YEATS2: variants seen among roughly 807,000 people sequenced by gnomAD.
YEATS2 encodes the protein YEATS domain containing 2.
Under a neutral mutation model 163.2 loss-of-function variants are expected in YEATS2, and 77 were observed. The ratio of observed to expected loss-of-function variants is 0.47; its 90% confidence interval spans 0.39 to 0.57. YEATS2 has a LOEUF of 0.57. Ranked by LOEUF, YEATS2 falls within the 20% of genes least tolerant of loss-of-function variation. The probability of loss-of-function intolerance (pLI) is 0.00; values close to 1 mark genes in which losing one functional copy is unlikely to be tolerated. For missense variants in YEATS2, 1,549 were observed against 1,729.8 expected (o/e 0.90, Z 1.85); for synonymous variants, 631 against 645.1 (o/e 0.98, Z 0.33).
At chr3:183,727,163 T>TA (rs1717200365) in intron 6 of YEATS2, among the ~76,000 whole-genome samples, 1 of 151,980 alleles carries the variant, frequency 6.6e-6, no homozygotes, top group Non-Finnish European at 1.5e-5. Flanking sequence ...AATACATTGA[T>TA]ATACGTATGA....
chr3:183,808,569 T>A (rs1235382094), intron 29 of YEATS2, among the ~76,000 whole-genome samples: 6 of 152,190 alleles, frequency 3.9e-5, no homozygotes, highest in African/African-American at 1.4e-4. Context: ...AAATACAATG[T>A]CTAGGGCTGG....
chr3:183,795,042 C>T (rs1725006496), intron 21 of YEATS2, among the ~76,000 whole-genome samples: 1 of 151,318 alleles, frequency 6.6e-6, no homozygotes, highest in Non-Finnish European at 1.5e-5. Context: ...GGTAGTTGTG[C>T]CTGTAGTCCC....
At position 183,810,864 on chromosome 3, in the gene YEATS2, G is replaced by T. The variant is rs1467709578; in HGVS notation, c.*281G>T. On this transcript the variant is annotated 3_prime_UTR_variant, in exon 31 of 31. Transcript: ENST00000305135. The stretch of plus-strand genomic sequence containing the variant: ...GTCTTTGTAAAGGCCCCACGAGAGC[G>T]GGCCAGGCCGTGTGCCTCAGGCCCT... The T allele has an allele frequency of 5.1e-6, 2 of 390,124 alleles. No homozygotes were observed. Among genetic ancestry groups the T allele is most frequent in the African/African-American group, 4.1e-5 (2 of 48,666 alleles). 24.2% of individuals were successfully genotyped at this position (390,124 alleles called of 1,614,324 possible). A position where few individuals can be genotyped will look rare whatever the true frequency, so the allele number is the denominator to read the frequency against.
intron 28 of YEATS2, chr3:183,807,298 GC>G (rs1428391880): frequency 1.8e-5 from 10 of 558,174 alleles, no homozygotes; most frequent in Non-Finnish European, 3.2e-5. Flanking sequence ...CCACATCAGA[GC>G]CCTTGGGCAG....
At chr3:183,701,073 A>G (rs138249928) in intron 1 of YEATS2, among the ~76,000 whole-genome samples, 1,895 of 126,124 alleles carry the variant, frequency 0.015, 24 homozygotes, top group African/African-American at 0.04. Flanking sequence ...GTGTGTGTGT[A>G]TATATATATA....
At chr3:183,755,669 A>G (rs1577120053) in intron 11 of YEATS2, among the ~76,000 whole-genome samples, 1 of 136,010 alleles carries the variant, frequency 7.4e-6, no homozygotes, top group African/African-American at 2.8e-5. Flanking sequence ...TGAATTTCAT[A>G]TTTTCCTATT....
chr3:183,799,802 C>G (rs1725486480), intron 23 of YEATS2, among the ~76,000 whole-genome samples: 1 of 147,042 alleles, frequency 6.8e-6, no homozygotes, highest in Non-Finnish European at 1.5e-5. Context: ...CAGCATTGTA[C>G]TTTAGAGTAG....
At chr3:183,741,352 A>G (rs1291346136) in intron 8 of YEATS2, among the ~76,000 whole-genome samples, 1 of 152,198 alleles carries the variant, frequency 6.6e-6, no homozygotes, top group East Asian at 1.9e-4. Flanking sequence ...GGAACAAAAA[A>G]GCCTGGGTGA....
chr3:183,760,185 G>A (rs2109339099), intron 13 of YEATS2, among the ~76,000 whole-genome samples: 1 of 152,166 alleles, frequency 6.6e-6, no homozygotes, highest in East Asian at 1.9e-4. Flanking sequence ...AACTCTGCTG[G>A]TTTAATTTTT....
chr3:183,728,946 T>G, intron 7 of YEATS2, 95 bp downstream of exon 7: 1 of 1,337,664 alleles, frequency 7.5e-7, no homozygotes, highest in African/African-American at 1.5e-5. Context: ...TTCCTGGAAA[T>G]GCAGTAGTAA....
At chr3:183,785,270 G>A (rs911198430) in intron 19 of YEATS2, among the ~76,000 whole-genome samples, 2 of 151,806 alleles carry the variant, frequency 1.3e-5, no homozygotes, top group East Asian at 1.9e-4. Context: ...GGCAGATCAC[G>A]AGGTCACGAG....
chr3:183,770,783 T>C (rs754453828), intron 15 of YEATS2, among the ~76,000 whole-genome samples: 26 of 152,218 alleles, frequency 1.7e-4, no homozygotes, highest in Non-Finnish European at 5.9e-5. Context: ...CAACTCCCTT[T>C]TCGCTTTCTT....
At position 183,773,765 on chromosome 3, in the gene YEATS2, G is replaced by A. The variant is rs1441751424; in HGVS notation, c.2339G>A (p.Gly780Glu). 1 of 1,610,302 alleles carries A rather than the reference G, an allele frequency of 6.2e-7. No individual in the cohort carries two copies. The highest frequency in any genetic ancestry group is 2.2e-5 in the East Asian group (1 of 44,770). Residue 780 changes from glycine to glutamate, a missense_variant, in exon 17 of 31, where the codon GGA (glycine) becomes GAA (glutamate). Coordinates refer to ENST00000305135, the MANE Select transcript of YEATS2 (RefSeq NM_018023.5). The stretch of plus-strand genomic sequence containing the variant: ...GGAAAACTGCTGCTGATCCCTCAAG[G>A]AGCCATCCTGCGAGCTACGAACAAT... ...GKGKLLLIPQ[G>E]AILRATNNAN...
At chr3:183,715,416 C>T (rs1431733336) in intron 2 of YEATS2, among the ~76,000 whole-genome samples, 154 bp downstream of exon 2, 10 of 152,104 alleles carry the variant, frequency 6.6e-5, no homozygotes, top group African/African-American at 1.9e-4. Context: ...AATAGTAATA[C>T]ACCATGTGTG....
chr3:183,721,264 T>G lies in YEATS2; in HGVS notation c.292-627T>G, dbSNP rs141742039. On this transcript the variant is annotated intron_variant, in intron 4 of 30. Coordinates refer to ENST00000305135, the MANE Select transcript of YEATS2 (RefSeq NM_018023.5). ...TTTGAAAGACTAGCTTCTACCTCCT[T>G]TTTTCTCTCTAGAACCATTAGTTTA... 2.8e-3 allele frequency among the ~76,000 whole-genome samples: 434 copies of G among 152,310 alleles called. 5 individuals are homozygous for G. The highest frequency in any genetic ancestry group is 0.01 in the African/African-American group (425 of 41,576).
chr3:183,787,057 C>A (rs762464049), intron 20 of YEATS2, among the ~76,000 whole-genome samples: 1 of 152,112 alleles, frequency 6.6e-6, no homozygotes, highest in Non-Finnish European at 1.5e-5. Context: ...CGGGTTCAAG[C>A]GATTCCCCTG....
chr3:183,754,483 T>G, intron 11 of YEATS2, 118 bp downstream of exon 11: 2 of 1,353,620 alleles, frequency 1.5e-6, no homozygotes. Flanking sequence ...AGTGTTATGT[T>G]TAACAAAAGG....
At chr3:183,791,283 C>T (rs1296552340) in intron 21 of YEATS2, among the ~76,000 whole-genome samples, 1 of 152,218 alleles carries the variant, frequency 6.6e-6, no homozygotes, top group East Asian at 1.9e-4. Context: ...AGTCCACCCA[C>T]CTCAGCCTCC....
intron 5 of YEATS2, among the ~76,000 whole-genome samples, 193 bp downstream of exon 5, chr3:183,722,329 C>T (rs1204667756): frequency 8.0e-6 from 1 of 125,060 alleles, no homozygotes; most frequent in Non-Finnish European, 1.5e-5. Flanking sequence ...TGCTCTGTTG[C>T]CCAGGCTGGA....
Sources: gnomAD v4.1 joint callset for allele counts (sites outside exome capture counted in the v4.1 genomes callset) on GRCh38, gnomAD v4.1.1 for gene constraint, MANE v1.5 for transcripts, NCBI Gene and HGNC (gene_info 2026-07-23, HGNC 2026-07-21) for gene names.